UROS: variants seen among roughly 807,000 people sequenced by gnomAD.
The protein encoded by UROS is uroporphyrinogen-III synthase.
UROS carries 18 observed loss-of-function variants against 33.0 expected under a neutral mutation model. The observed-to-expected ratio is 0.55, with a 90% CI of 0.38 to 0.81. The LOEUF is 0.81. Ranked by LOEUF, UROS falls within the 30% of genes least tolerant of loss-of-function variation. UROS has a pLI of 0.00. For synonymous variants in UROS, 114 were observed against 121.1 expected (o/e 0.94, Z 0.38); for missense variants, 293 against 314.9 (o/e 0.93, Z 0.53).
intron 6 of UROS, among the ~76,000 whole-genome samples, chr10:125,806,174 C>T (rs946028529): frequency 2.0e-5 from 3 of 152,136 alleles, no homozygotes; most frequent in Non-Finnish European, 4.4e-5. Context: ...CCTTATAAGA[C>T]GTTAGTGTAC....
At chr10:125,798,872 C>A (rs953992614) in intron 6 of UROS, among the ~76,000 whole-genome samples, 1 of 152,194 alleles carries the variant, frequency 6.6e-6, no homozygotes, top group African/African-American at 2.4e-5. Context: ...CAATTTGCAA[C>A]AATACTGTCC....
chr10:125,789,096 C>T, intron 9 of UROS, 91 bp from the exon 10 acceptor site: 1 of 1,542,058 alleles, frequency 6.5e-7, no homozygotes, highest in Non-Finnish European at 8.9e-7. Context: ...CGTCAGCCAG[C>T]TTTGCGGTTG....
At chr10:125,804,954 G>A (rs1852187627) in intron 6 of UROS, among the ~76,000 whole-genome samples, 1 of 152,208 alleles carries the variant, frequency 6.6e-6, no homozygotes, top group Non-Finnish European at 1.5e-5. Flanking sequence ...AAAGGGCCTG[G>A]CACACAGGTG....
rs1028701431 is a variant in UROS, at chr10:125,810,099, G to A, written c.319+2115C>T. 2.8e-4 allele frequency among the ~76,000 whole-genome samples: 43 copies of A among 152,328 alleles called. 1 individual carries two copies. Among genetic ancestry groups the A allele is most frequent in the East Asian group, 1.9e-4 (1 of 5,184 alleles). On this transcript the variant is annotated intron_variant, in intron 5 of 9. Transcript: ENST00000368797. Reference sequence around the variant, plus strand: ...CTGATTCCCAGGCTCTAGGGAGCCAGGGGTGGCTCTTGACTAGAGGGCTTG... The same window carrying A: ...CTGATTCCCAGGCTCTAGGGAGCCAAGGGTGGCTCTTGACTAGAGGGCTTG...
At position 125,823,155 on chromosome 10, in the gene UROS, G is replaced by A. The variant is rs542528702; in HGVS notation, c.-153C>T. The A allele has an allele frequency of 6.0e-6, 1 of 167,352 alleles. No individual in the cohort carries two copies. Among genetic ancestry groups the A allele is most frequent in the Non-Finnish European group, 1.3e-5 (1 of 78,032 alleles). 10.4% of individuals were successfully genotyped at this position (167,352 alleles called of 1,614,324 possible). On this transcript the variant is annotated 5_prime_UTR_variant, in exon 1 of 10. Transcript: ENST00000368797. ...ACAGGGGCGGAAGCCCCCTCCCCAC[G>A]CAGCCCGAGGGGCCGCGGCGGCCAC...
intron 4 of UROS, among the ~76,000 whole-genome samples, chr10:125,814,121 A>G (rs1853077694): frequency 6.6e-6 from 1 of 152,246 alleles, no homozygotes; most frequent in Non-Finnish European, 1.5e-5. Context: ...TATTCAGGAC[A>G]GAGTCTCGCA....
Position 125,816,268 on chromosome 10 carries a change from G to A in UROS, c.64-8C>T, listed in dbSNP as rs1161443510. On this transcript the variant is annotated splice_polypyrimidine_tract_variant and splice_region_variant and intron_variant, in intron 2 of 9. Coordinates refer to ENST00000368797, the MANE Select transcript of UROS (RefSeq NM_000375.3). ...TCCATATAATCCTAATTCCTGAAAT[G>A]AAAGAATATAGTTCTGGATTGGCTA... 3 of 1,613,254 alleles carry A rather than the reference G, an allele frequency of 1.9e-6. No individual in the cohort carries two copies. Among genetic ancestry groups the A allele is most frequent in the Non-Finnish European group, 2.5e-6 (3 of 1,179,218 alleles).
downstream of UROS, chr10:125,788,557 T>G: frequency 7.8e-7 from 1 of 1,277,146 alleles, no homozygotes; most frequent in Non-Finnish European, 9.9e-7. Flanking sequence ...GCACTTAAAA[T>G]GACACACAGC....
chr10:125,811,455 G>C (rs1381922511), intron 5 of UROS, among the ~76,000 whole-genome samples: 1 of 152,210 alleles, frequency 6.6e-6, no homozygotes, highest in Non-Finnish European at 1.5e-5. Flanking sequence ...GATCTGCTGA[G>C]CTTGTGGTAA....
At chr10:125,818,091 C>A (rs1384562570) in intron 1 of UROS, among the ~76,000 whole-genome samples, 2 of 152,186 alleles carry the variant, frequency 1.3e-5, no homozygotes, top group Non-Finnish European at 2.9e-5. Context: ...AAATAAAAAT[C>A]CAACTACTAC....
intron 5 of UROS, among the ~76,000 whole-genome samples, chr10:125,808,017 T>C (rs915658224): frequency 6.6e-6 from 1 of 152,204 alleles, no homozygotes; most frequent in Non-Finnish European, 1.5e-5. Context: ...GGTTTCATAA[T>C]AATCTGCTAA....
At chr10:125,822,366 A>G in intron 1 of UROS, among the ~76,000 whole-genome samples, 1 of 145,468 alleles carries the variant, frequency 6.9e-6, no homozygotes, top group East Asian at 2.0e-4. Context: ...CCCAGGCTGG[A>G]GTGTGGAGTG....
At chr10:125,793,375 C>T (rs976513611) in intron 9 of UROS, 7 of 152,382 alleles carry the variant, frequency 4.6e-5, no homozygotes, top group African/African-American at 1.7e-4. Context: ...GGGGACTCCT[C>T]CTACAGGCCC....
intron 9 of UROS, 79 bp from the exon 10 acceptor site, chr10:125,789,084 G>A: frequency 1.9e-6 from 3 of 1,565,718 alleles, no homozygotes; most frequent in South Asian, 1.1e-5. Flanking sequence ...GTGTGCAGGG[G>A]CCGTCAGCCA....
chr10:125,785,314 C>T (rs1440507007), downstream of UROS: 2 of 152,194 alleles, frequency 1.3e-5, no homozygotes, highest in African/African-American at 4.8e-5. Context: ...CTCACTACAT[C>T]CCCTTGGCTA....
intron 6 of UROS, chr10:125,802,187 C>T (rs1564786550): frequency 1.0e-6 from 1 of 985,516 alleles, no homozygotes; most frequent in East Asian, 1.1e-4. Flanking sequence ...GACCCATCTG[C>T]ATCCTGTACC....
intron 6 of UROS, chr10:125,803,099 G>A: frequency 6.2e-7 from 1 of 1,605,922 alleles, no homozygotes; most frequent in East Asian, 2.2e-5. Context: ...AAGGGAGACA[G>A]GAAGAGCTTT....
intron 9 of UROS, 39 bp downstream of exon 9, chr10:125,794,841 A>G (rs1006109209): frequency 6.5e-7 from 1 of 1,540,646 alleles, no homozygotes; most frequent in South Asian, 1.2e-5. Flanking sequence ...AAAAAAAAAA[A>G]GAATCTGAAA....
At chr10:125,791,252 G>A (rs962953647) in intron 9 of UROS, among the ~76,000 whole-genome samples, 2 of 152,116 alleles carry the variant, frequency 1.3e-5, no homozygotes, top group Non-Finnish European at 2.9e-5. Flanking sequence ...GCTCAACACT[G>A]TTAGTCATTA....
Sources: allele counts gnomAD v4.1 joint callset (sites outside exome capture counted in the v4.1 genomes callset), GRCh38; gene constraint gnomAD v4.1.1; transcripts MANE v1.5; gene names NCBI Gene and HGNC (gene_info 2026-07-23, HGNC 2026-07-21).